Variants in DDX60 observed in about 807,000 individuals in gnomAD.
DDX60 encodes the protein DExD/H-box helicase 60.
Under a neutral mutation model 212.8 loss-of-function variants are expected in DDX60, and 165 were observed. The ratio of observed to expected loss-of-function variants is 0.78; its 90% CI spans 0.68 to 0.88. The LOEUF (loss-of-function observed/expected upper bound fraction) is 0.88, where lower values mean the gene tolerates loss of function less well. Ranked by LOEUF, DDX60 falls within the 40% of genes least tolerant of loss-of-function variation. The probability of loss-of-function intolerance (pLI) is 0.00; values close to 1 mark genes in which losing one functional copy is unlikely to be tolerated. For synonymous variants in DDX60, 703 were observed against 685.3 expected, an observed-to-expected ratio of 1.03 and a Z score of -0.40; for missense variants, 1,905 against 2,003.9, an observed-to-expected ratio of 0.95 and a Z score of 0.94.
At chr4:168,240,401 G>A (rs761061841) in intron 30 of DDX60, among the ~76,000 whole-genome samples, 18 of 152,140 alleles carry the variant, frequency 1.2e-4, no homozygotes, top group Non-Finnish European at 2.5e-4. Flanking sequence ...ACTGCCCAGA[G>A]TAATTTATAG....
At chr4:168,286,417 C>CACACACACACACACACA (rs1477194591) in intron 10 of DDX60, among the ~76,000 whole-genome samples, 2 of 97,322 alleles carry the variant, frequency 2.1e-5, no homozygotes, top group Non-Finnish European at 3.9e-5. Context: ...CACACACACA[C>CACACACACACACACACA]CACACGAGAT....
chr4:168,309,268 T>A (rs528419324), intron 3 of DDX60, among the ~76,000 whole-genome samples: 3 of 152,174 alleles, frequency 2.0e-5, no homozygotes, highest in Non-Finnish European at 4.4e-5. Context: ...ATGGAACCCA[T>A]ATGAAGTGCC....
chr4:168,273,015 G>C (rs1017032055), intron 18 of DDX60, among the ~76,000 whole-genome samples: 5 of 152,076 alleles, frequency 3.3e-5, no homozygotes, highest in African/African-American at 1.2e-4. Context: ...AGATCATTCT[G>C]AATCCCTTTA....
intron 24 of DDX60, 55 bp from the exon 25 acceptor site, chr4:168,261,044 A>G: frequency 1.3e-6 from 2 of 1,551,434 alleles, no homozygotes; most frequent in Non-Finnish European, 1.7e-6. Context: ...GAAAGAAATT[A>G]CTACTTTTTG....
chr4:168,268,948 T>C lies in DDX60; in HGVS notation c.2692A>G (p.Ile898Val). 6.3e-7 allele frequency: 1 copy of C among 1,587,092 alleles called. No homozygotes were observed. Among genetic ancestry groups the C allele is most frequent in the East Asian group, 2.2e-5 (1 of 44,514 alleles). The change falls in exon 20 of 38, where the codon ATT becomes GTT. Residue 898 changes from isoleucine (I) to valine (V), a missense_variant. Transcript: ENST00000393743. Reference sequence around the variant, plus strand: ...AGATGTTCCCAGATTTCTGCTCCAATTTCTCCACCAAGACAATGAACCTAT... The same window carrying C: ...AGATGTTCCCAGATTTCTGCTCCAACTTCTCCACCAAGACAATGAACCTAT... ...FDEVHCLGGE[I>V]GAEIWEHLLV...
intron 8 of DDX60, among the ~76,000 whole-genome samples, chr4:168,291,087 C>T (rs893165620): frequency 6.6e-6 from 1 of 151,982 alleles, no homozygotes; most frequent in Non-Finnish European, 1.5e-5. Context: ...TCAAAGTCTT[C>T]TTAATATTCC....
intron 29 of DDX60, among the ~76,000 whole-genome samples, chr4:168,247,663 C>G (rs1272502530): frequency 6.6e-6 from 1 of 152,090 alleles, no homozygotes; most frequent in African/African-American, 2.4e-5. Flanking sequence ...ACTAATAATA[C>G]AAGGCTAAGA....
intron 6 of DDX60, among the ~76,000 whole-genome samples, chr4:168,296,541 T>A (rs755304701): frequency 5.3e-5 from 8 of 151,762 alleles, no homozygotes; most frequent in Non-Finnish European, 1.0e-4. Flanking sequence ...ATAAACAAAC[T>A]AACAAAAACC....
intron 25 of DDX60, among the ~76,000 whole-genome samples, chr4:168,258,157 C>A (rs374358061): frequency 1.3e-3 from 121 of 91,936 alleles, no homozygotes; most frequent in Middle Eastern, 6.1e-3. Flanking sequence ...AGAATGAATG[C>A]GACCTAGAGA....
At chr4:168,308,366 C>G (rs886925009) in intron 3 of DDX60, among the ~76,000 whole-genome samples, 171 bp from the exon 4 acceptor site, 1 of 152,146 alleles carries the variant, frequency 6.6e-6, no homozygotes, top group Non-Finnish European at 1.5e-5. Context: ...TCACAACTAT[C>G]CTTCACAGGA....
chr4:168,261,949 C>T (rs752002941), intron 24 of DDX60, 51 bp downstream of exon 24: 25 of 1,557,234 alleles, frequency 1.6e-5, no homozygotes, highest in Non-Finnish European at 6.9e-6. Context: ...AATGATATAA[C>T]TCAAGAAAAC....
chr4:168,250,052 T>A (rs1016192867), intron 28 of DDX60, among the ~76,000 whole-genome samples: 4 of 152,202 alleles, frequency 2.6e-5, no homozygotes, highest in Admixed American at 2.6e-4. Flanking sequence ...TAAAGCTCCT[T>A]CATGAATTTA....
intron 34 of DDX60, 99 bp downstream of exon 34, chr4:168,225,430 A>T: frequency 7.7e-7 from 1 of 1,293,110 alleles, no homozygotes; most frequent in Non-Finnish European, 1.0e-6. Flanking sequence ...AGGGCAAAAT[A>T]AACTTTCTGG....
upstream of DDX60, among the ~76,000 whole-genome samples, chr4:168,320,586 C>A (rs994986097): frequency 2.0e-5 from 3 of 152,108 alleles, no homozygotes; most frequent in Admixed American, 1.3e-4. Flanking sequence ...TATTAAGCCA[C>A]TAAATTTGTG....
In DDX60 at chr4:168,275,508, A is replaced by G. The variant is rs1735296013; in HGVS notation, c.2146-5T>C. On this transcript the variant is annotated splice_region_variant and splice_polypyrimidine_tract_variant and intron_variant, in intron 15 of 37. Transcript: ENST00000393743. ...TTTTACATCATTTTCTGCATCCTGC[A>G]TTATTTTAAAAGTCCATTTTGAAAA... is the stretch of plus-strand genomic sequence containing the variant. 1 of 1,587,460 alleles carries G rather than the reference A, an allele frequency of 6.3e-7. No individual in the cohort carries two copies. The highest frequency in any genetic ancestry group is 8.6e-7 in the Non-Finnish European group (1 of 1,167,572).
chr4:168,269,409 T>C (rs567478620), intron 19 of DDX60, among the ~76,000 whole-genome samples: 1 of 151,994 alleles, frequency 6.6e-6, no homozygotes, highest in African/African-American at 2.4e-5. Flanking sequence ...CCATCCTGGC[T>C]AACACAGTGA....
At chr4:168,224,754 C>A (rs1198378488) in intron 34 of DDX60, among the ~76,000 whole-genome samples, 1 of 151,960 alleles carries the variant, frequency 6.6e-6, no homozygotes, top group Non-Finnish European at 1.5e-5. Context: ...TGAAACCATG[C>A]AGCCTCAATT....
rs149700178 is a variant in DDX60 at position 168,217,595 on chromosome 4, C to A, written c.5040-563G>T. ...AGGGGAATGAATTATGGCTGCAGTG[C>A]GAATTAAAGTTGCGAATCAGCTGAC... On this transcript the variant is annotated intron_variant, in intron 37 of 37. Coordinates refer to ENST00000393743, the MANE Select transcript of DDX60 (RefSeq NM_017631.6). 3.8e-4 allele frequency among the ~76,000 whole-genome samples: 58 copies of A among 152,152 alleles called. No homozygotes were observed. The East Asian group carries it at 0.01, about 27-fold the overall frequency.
Position 168,216,882 on chromosome 4 carries a change from C to T in DDX60, c.*51G>A. 8.4e-7 allele frequency: 1 copy of T among 1,194,798 alleles called. No homozygotes were observed. Among genetic ancestry groups the T allele is most frequent in the Non-Finnish European group, 1.2e-6 (1 of 842,926 alleles). The allele number at this position is 1,194,798 out of a possible 1,614,324, so 74.0% of individuals were successfully genotyped here. ...GAAGCATAAGAATCAAAAACGTGAC[C>T]TGAAAAACTACTATGGAATTATTTT... On this transcript the variant is annotated 3_prime_UTR_variant, in exon 38 of 38. Coordinates refer to ENST00000393743, the MANE Select transcript of DDX60 (RefSeq NM_017631.6).
Sources: gnomAD v4.1 joint callset for allele counts (sites outside exome capture counted in the v4.1 genomes callset) on GRCh38, gnomAD v4.1.1 for gene constraint, MANE v1.5 for transcripts, NCBI Gene and HGNC (gene_info 2026-07-23, HGNC 2026-07-21) for gene names.